The following TBCK variants were observed in gnomAD, a reference collection of about 807,000 sequenced individuals.
TBCK encodes TBC domain-containing protein kinase-like protein.
Under a neutral mutation model 113.4 loss-of-function variants are expected in TBCK, and 99 were observed. That is an observed-to-expected ratio of 0.87 (90% CI 0.74 to 1.03). The LOEUF is 1.03. TBCK is among the 50% of genes least tolerant of loss of function. The pLI, the probability that TBCK is intolerant of heterozygous loss-of-function variation, is 0.00. For missense variants in TBCK, 1,045 were observed against 1,061.3 expected (o/e 0.98, Z 0.21); for synonymous variants, 369 against 370.8 (o/e 1.00, Z 0.05).
intron 2 of TBCK, among the ~76,000 whole-genome samples, chr4:106,302,768 C>T (rs1466974859): frequency 6.6e-6 from 1 of 152,098 alleles, no homozygotes; most frequent in Non-Finnish European, 1.5e-5. Flanking sequence ...GAATCTGTAG[C>T]TGGATTAAGG....
At chr4:106,172,158 C>T (rs1560758520) in intron 22 of TBCK, among the ~76,000 whole-genome samples, 3 of 152,040 alleles carry the variant, frequency 2.0e-5, no homozygotes, top group Non-Finnish European at 4.4e-5. Context: ...TTAATAATCT[C>T]TTGAGTTAAA....
intron 25 of TBCK, among the ~76,000 whole-genome samples, chr4:106,078,715 C>G (rs893995518): frequency 6.6e-6 from 1 of 150,398 alleles, no homozygotes; most frequent in Non-Finnish European, 1.5e-5. Flanking sequence ...AAAAGAAGAG[C>G]TGATGTCAGT....
At chr4:106,302,580 G>A (rs956598785) in intron 2 of TBCK, among the ~76,000 whole-genome samples, 1 of 152,140 alleles carries the variant, frequency 6.6e-6, no homozygotes, top group Non-Finnish European at 1.5e-5. Context: ...AAGCTCCAAA[G>A]AGGCTTCCAG....
intron 23 of TBCK, among the ~76,000 whole-genome samples, chr4:106,117,100 T>G (rs1349138235): frequency 6.6e-6 from 1 of 152,066 alleles, no homozygotes; most frequent in Non-Finnish European, 1.5e-5. Context: ...TCTTTGTTAT[T>G]TACACTTATA....
At chr4:106,222,945 T>C (rs534938882) in intron 19 of TBCK, among the ~76,000 whole-genome samples, 1 of 152,242 alleles carries the variant, frequency 6.6e-6, no homozygotes, top group Non-Finnish European at 1.5e-5. Flanking sequence ...TTTCTTTCCT[T>C]CTCACATATC....
intron 23 of TBCK, among the ~76,000 whole-genome samples, chr4:106,167,996 C>T (rs1277113652): frequency 6.6e-6 from 1 of 151,772 alleles, no homozygotes; most frequent in East Asian, 1.9e-4. Context: ...TATGTCCTAA[C>T]TCATTCTATG....
At chr4:106,159,067 T>C (rs1274570205) in intron 23 of TBCK, among the ~76,000 whole-genome samples, 1 of 149,410 alleles carries the variant, frequency 6.7e-6, no homozygotes, top group African/African-American at 2.4e-5. Flanking sequence ...ATCATCTAAA[T>C]TGATACCAAA....
At chr4:106,112,621 G>C in intron 24 of TBCK, among the ~76,000 whole-genome samples, 1 of 152,090 alleles carries the variant, frequency 6.6e-6, no homozygotes, top group Middle Eastern at 3.2e-3. Context: ...GCAGAACCTT[G>C]AGAGGGCCCT....
intron 19 of TBCK, among the ~76,000 whole-genome samples, chr4:106,228,996 T>C (rs1252554404): frequency 6.6e-6 from 1 of 152,154 alleles, no homozygotes; most frequent in African/African-American, 2.4e-5. Context: ...TGATCATCAA[T>C]GATGTTGAGC....
At chr4:106,075,956 C>T (rs1257482754) in intron 25 of TBCK, among the ~76,000 whole-genome samples, 6 of 152,240 alleles carry the variant, frequency 3.9e-5, no homozygotes, top group Admixed American at 3.9e-4. Flanking sequence ...GCAGCATTCA[C>T]ACTCAAAAGC....
intron 1 of TBCK, among the ~76,000 whole-genome samples, chr4:106,312,776 C>T (rs1001920671): frequency 2.6e-5 from 4 of 152,118 alleles, no homozygotes; most frequent in African/African-American, 9.7e-5. Flanking sequence ...CATGTCAAAA[C>T]ATGGATATAC....
intron 25 of TBCK, among the ~76,000 whole-genome samples, chr4:106,089,036 CCT>C (rs1739864894): frequency 1.6e-5 from 1 of 63,970 alleles, no homozygotes; most frequent in African/African-American, 1.5e-4. Flanking sequence ...GTACATGTAT[CCT>C]TTTTTTTTTT....
At chr4:106,198,825 A>G (rs1754551761) in intron 20 of TBCK, among the ~76,000 whole-genome samples, 1 of 152,136 alleles carries the variant, frequency 6.6e-6, no homozygotes, top group Admixed American at 6.6e-5. Flanking sequence ...AGAGTCAGAC[A>G]TACGAACAGA....
At chr4:106,203,525 A>C (rs1393494336) in intron 20 of TBCK, among the ~76,000 whole-genome samples, 2 of 151,814 alleles carry the variant, frequency 1.3e-5, no homozygotes, top group Non-Finnish European at 2.9e-5. Flanking sequence ...TATATCTTTT[A>C]CAGGTCATGA....
intron 22 of TBCK, among the ~76,000 whole-genome samples, chr4:106,185,925 C>T (rs560265028): frequency 3.9e-5 from 6 of 152,160 alleles, no homozygotes; most frequent in Non-Finnish European, 8.8e-5. Context: ...TTGTTCTCTT[C>T]GTTGTGTCCA....
chr4:106,075,462 C>CTCTT (rs1455896181), intron 25 of TBCK, among the ~76,000 whole-genome samples: 1 of 152,262 alleles, frequency 6.6e-6, no homozygotes, highest in Non-Finnish European at 1.5e-5. Context: ...AATGTGATGG[C>CTCTT]TCTTTAATAA....
At chr4:106,275,756 A>G (rs942188034) in intron 3 of TBCK, among the ~76,000 whole-genome samples, 3 of 152,174 alleles carry the variant, frequency 2.0e-5, no homozygotes, top group African/African-American at 7.2e-5. Flanking sequence ...AACACTGTTG[A>G]GAGATACTAA....
chr4:106,195,320 A>G (rs1461649570), intron 20 of TBCK, among the ~76,000 whole-genome samples: 2 of 152,110 alleles, frequency 1.3e-5, no homozygotes, highest in Non-Finnish European at 2.9e-5. Flanking sequence ...TTATTTCACC[A>G]AAGGATAGAC....
rs1747075533 is a variant in TBCK at position 106,140,777 on chromosome 4, A to T, written c.2236-24399T>A. Among the ~76,000 whole-genome samples the T allele has an allele frequency of 1.4e-5, 2 of 139,318 alleles. 1 individual carries two copies. Among genetic ancestry groups the T allele is most frequent in the Non-Finnish European group, 3.3e-5 (2 of 61,354 alleles). 91.4% of individuals were successfully genotyped at this position (139,318 alleles called of 152,430 possible). A position where few individuals can be genotyped will look rare whatever the true frequency, so the allele number is the denominator to read the frequency against. On this transcript the variant is annotated intron_variant, in intron 23 of 25. Transcript: ENST00000394708. ...GATTGCTCATTCTATGAATTTCTGTAATATCTCCACCCAGTGGTGATCAGA... is the reference window on the plus strand; with the variant it reads ...GATTGCTCATTCTATGAATTTCTGTTATATCTCCACCCAGTGGTGATCAGA...
Sources: allele counts gnomAD v4.1 joint callset (sites outside exome capture counted in the v4.1 genomes callset), GRCh38; gene constraint gnomAD v4.1.1; transcripts MANE v1.5; gene names NCBI Gene and HGNC (gene_info 2026-07-23, HGNC 2026-07-21).